Variants in GNA14 observed in about 807,000 individuals in gnomAD.
GNA14 encodes the protein guanine nucleotide-binding protein subunit alpha-14.
Under a neutral mutation model 42.0 loss-of-function variants are expected in GNA14, and 50 were observed. That is an observed-to-expected ratio of 1.19 (90% CI 0.95 to 1.51). The LOEUF is 1.51. GNA14 is among the 40% of genes most tolerant of loss of function. The pLI, the probability that GNA14 is intolerant of heterozygous loss-of-function variation, is 0.00. For synonymous variants in GNA14, 173 were observed against 163.1 expected (o/e 1.06, Z -0.46); for missense variants, 473 against 446.2 (o/e 1.06, Z -0.54).
chr9:77,567,789 C>A (rs1822990367), intron 1 of GNA14, among the ~76,000 whole-genome samples: 1 of 152,166 alleles, frequency 6.6e-6, no homozygotes, highest in Non-Finnish European at 1.5e-5. Context: ...ATCGCTTGAG[C>A]CCAGGAGGCG....
At chr9:77,580,086 A>G (rs1823193780) in intron 1 of GNA14, among the ~76,000 whole-genome samples, 1 of 152,126 alleles carries the variant, frequency 6.6e-6, no homozygotes. Context: ...GGGTGACTGT[A>G]TGTCCTGGTT....
chr9:77,566,372 C>T (rs1463373491), intron 1 of GNA14, among the ~76,000 whole-genome samples: 1 of 151,918 alleles, frequency 6.6e-6, no homozygotes, highest in African/African-American at 2.4e-5. Flanking sequence ...TCAAGCTGGT[C>T]TCAAACCCCT....
chr9:77,586,410 G>A (rs1823303433), intron 1 of GNA14, among the ~76,000 whole-genome samples: 1 of 152,130 alleles, frequency 6.6e-6, no homozygotes, highest in African/African-American at 2.4e-5. Flanking sequence ...GACATCATTA[G>A]TCATTAGAGA....
chr9:77,527,388 G>A (rs1837456543), intron 2 of GNA14, among the ~76,000 whole-genome samples: 1 of 152,190 alleles, frequency 6.6e-6, no homozygotes, highest in African/African-American at 2.4e-5. Context: ...CATAGGCCAA[G>A]CTTGTCCAAC....
At chr9:77,477,104 C>G (rs1836442335) in intron 2 of GNA14, among the ~76,000 whole-genome samples, 1 of 152,162 alleles carries the variant, frequency 6.6e-6, no homozygotes, top group African/African-American at 2.4e-5. Flanking sequence ...CACGTGTAAT[C>G]CCAGCACTTT....
chr9:77,548,412 A>C (rs1340543999), intron 1 of GNA14, among the ~76,000 whole-genome samples: 1 of 152,178 alleles, frequency 6.6e-6, no homozygotes, highest in Non-Finnish European at 1.5e-5. Flanking sequence ...TTTCCAAATA[A>C]GGTCACATTC....
chr9:77,442,920 A>G (rs1305441391), intron 2 of GNA14, among the ~76,000 whole-genome samples: 1 of 152,254 alleles, frequency 6.6e-6, no homozygotes, highest in Non-Finnish European at 1.5e-5. Context: ...CTCTACTAAG[A>G]CAAAAGCAGA....
intron 2 of GNA14, among the ~76,000 whole-genome samples, chr9:77,466,425 G>A (rs1340558867): frequency 1.3e-5 from 2 of 152,080 alleles, no homozygotes; most frequent in Non-Finnish European, 2.9e-5. Flanking sequence ...GTTCAGGGTT[G>A]TACACTTCAA....
At chr9:77,610,692 CTA>C (rs1823716625) in intron 1 of GNA14, among the ~76,000 whole-genome samples, 1 of 152,150 alleles carries the variant, frequency 6.6e-6, no homozygotes, top group Non-Finnish European at 1.5e-5. Flanking sequence ...ATGCCAATAT[CTA>C]TGAGTTTGAT....
At chr9:77,502,767 G>C (rs1222185021) in intron 2 of GNA14, among the ~76,000 whole-genome samples, 1 of 152,206 alleles carries the variant, frequency 6.6e-6, no homozygotes, top group Admixed American at 6.5e-5. Flanking sequence ...TGGGAGGCTA[G>C]ACTTCCCTCT....
chr9:77,571,881 T>C (rs1823066517), intron 1 of GNA14, among the ~76,000 whole-genome samples: 1 of 152,236 alleles, frequency 6.6e-6, no homozygotes, highest in African/African-American at 2.4e-5. Context: ...ATTTTTTTGA[T>C]ATATTGGGTT....
chr9:77,477,118 A>G (rs986058149), intron 2 of GNA14, among the ~76,000 whole-genome samples: 2 of 152,134 alleles, frequency 1.3e-5, no homozygotes, highest in African/African-American at 4.8e-5. Context: ...GCACTTTCGG[A>G]GGCTGAGGCA....
At chr9:77,523,342 G>A (rs1837387158) in intron 2 of GNA14, among the ~76,000 whole-genome samples, 1 of 152,172 alleles carries the variant, frequency 6.6e-6, no homozygotes, top group Non-Finnish European at 1.5e-5. Context: ...TGAAGGGGGA[G>A]CAGGCACATC....
chr9:77,625,944 T>C (rs937755181), intron 1 of GNA14, among the ~76,000 whole-genome samples: 2 of 151,888 alleles, frequency 1.3e-5, no homozygotes, highest in African/African-American at 2.4e-5. Context: ...GACTGACCAA[T>C]TGGATAAAGA....
intron 2 of GNA14, among the ~76,000 whole-genome samples, chr9:77,495,762 G>T (rs1432806838): frequency 6.6e-6 from 1 of 152,152 alleles, no homozygotes; most frequent in Non-Finnish European, 1.5e-5. Context: ...TTTACAGAAG[G>T]AAGCAAATGA....
intron 1 of GNA14, among the ~76,000 whole-genome samples, chr9:77,579,503 G>T (rs773580786): frequency 2.6e-5 from 4 of 152,084 alleles, no homozygotes; most frequent in Non-Finnish European, 4.4e-5. Context: ...AAATCTAGTT[G>T]CTCCAGTTTT....
intron 1 of GNA14, among the ~76,000 whole-genome samples, chr9:77,536,470 C>G (rs1837600389): frequency 6.6e-6 from 1 of 152,176 alleles, no homozygotes; most frequent in Admixed American, 6.5e-5. Flanking sequence ...TCTGCCTCAG[C>G]CTCCCAAGCA....
chr9:77,634,785 G>A (rs1023149128), intron 1 of GNA14, among the ~76,000 whole-genome samples: 1 of 152,160 alleles, frequency 6.6e-6, no homozygotes, highest in Admixed American at 6.5e-5. Context: ...GGTATTTCAT[G>A]TAAACCACTA....
chr9:77,531,914 A>G (rs563297677), intron 1 of GNA14, among the ~76,000 whole-genome samples: 1 of 152,384 alleles, frequency 6.6e-6, no homozygotes, highest in East Asian at 1.9e-4. Context: ...TGTATTCAAT[A>G]AATACCCATA....
Sources: gnomAD v4.1 joint callset for allele counts (sites outside exome capture counted in the v4.1 genomes callset) on GRCh38, gnomAD v4.1.1 for gene constraint, MANE v1.5 for transcripts, NCBI Gene and HGNC (gene_info 2026-07-23, HGNC 2026-07-21) for gene names.